Variants in PRKN observed in about 807,000 individuals in gnomAD.
PRKN encodes E3 ubiquitin-protein ligase parkin.
A neutral mutation model predicts 59.5 loss-of-function variants in PRKN; 56 were observed. The ratio of observed to expected loss-of-function variants is 0.94; its 90% CI spans 0.76 to 1.18. PRKN has a LOEUF of 1.18. Among genes scored for constraint, PRKN ranks in the 50% most tolerant of loss-of-function variants. The pLI, the probability that PRKN is intolerant of heterozygous loss-of-function variation, is 0.00. For synonymous variants in PRKN, 250 were observed against 222.1 expected (o/e 1.13, Z -1.12); for missense variants, 657 against 596.4 (o/e 1.10, Z -1.06).
rs183858343 is a variant in PRKN, at chr6:162,011,223, T to C, written c.619-37806A>G. Among the ~76,000 whole-genome samples, 33 of 4,470 alleles carry C rather than the reference T, an allele frequency of 7.4e-3. 5 individuals are homozygous for C. Among genetic ancestry groups the C allele is most frequent in the East Asian group, 0.032 (2 of 62 alleles). The allele number at this position is 4,470 out of a possible 152,430, so 2.9% of individuals were successfully genotyped here. The stretch of plus-strand genomic sequence containing the variant: ...TATATTATATATAATATAGTATATA[T>C]TTATAATATATAATTTATAATATAT... On this transcript the variant is annotated intron_variant, in intron 5 of 11. Transcript: ENST00000366898.
At chr6:162,587,874 A>G (rs1206583924) in intron 1 of PRKN, among the ~76,000 whole-genome samples, 1 of 152,178 alleles carries the variant, frequency 6.6e-6, no homozygotes, top group Non-Finnish European at 1.5e-5. Context: ...GGAGAGAAAA[A>G]TGTATCTATG....
chr6:161,973,803 G>T (rs1053334642), intron 5 of PRKN, among the ~76,000 whole-genome samples: 2 of 152,172 alleles, frequency 1.3e-5, no homozygotes, highest in African/African-American at 4.8e-5. Context: ...AGGTGCCCAC[G>T]GGTCAAACAG....
chr6:161,598,420 A>G (rs1309549990), intron 7 of PRKN, among the ~76,000 whole-genome samples: 1 of 152,226 alleles, frequency 6.6e-6, no homozygotes, highest in Non-Finnish European at 1.5e-5. Context: ...TGTAAATGAA[A>G]GAGAGAGATC....
At chr6:162,219,425 A>G (rs1777838656) in intron 3 of PRKN, among the ~76,000 whole-genome samples, 1 of 152,152 alleles carries the variant, frequency 6.6e-6, no homozygotes, top group African/African-American at 2.4e-5. Flanking sequence ...TTTCATTTCT[A>G]TATTAAACTG....
At position 161,462,910 on chromosome 6, in the gene PRKN, G is replaced by GTTTGGTAGAGCACTTAGTATTAACAA. The variant is rs1790287243; in HGVS notation, c.1084-76059_1084-76034dup. Among the ~76,000 whole-genome samples, 1 of 151,978 alleles carries GTTTGGTAGAGCACTTAGTATTAACAA rather than the reference G, an allele frequency of 6.6e-6. No individual in the cohort carries two copies. The highest frequency in any genetic ancestry group is 2.1e-4 in the South Asian group (1 of 4,816). On this transcript the variant is annotated intron_variant, in intron 9 of 11. Coordinates refer to ENST00000366898, the MANE Select transcript of PRKN (RefSeq NM_004562.3). The surrounding 1 kb of genome is among the most constrained non-coding windows in gnomAD (Gnocchi z 4.5). ...CAGGATTTCTTCACTCAGTTTTTTT[G>GTTTGGTAGAGCACTTAGTATTAACAA]TTTGGTAGAGCACTTAGTATTAACA...
At chr6:161,661,154 C>A (rs1177375789) in intron 7 of PRKN, among the ~76,000 whole-genome samples, 1 of 152,190 alleles carries the variant, frequency 6.6e-6, no homozygotes, top group Non-Finnish European at 1.5e-5. Flanking sequence ...AGCATGGTAG[C>A]CCCTAAAGTA....
rs770384356 is a variant in PRKN, at chr6:161,407,170, G to A, written c.1084-20293C>T. Among the ~76,000 whole-genome samples, 6 of 151,998 alleles carry A rather than the reference G, an allele frequency of 3.9e-5. No individual in the cohort carries two copies. Among genetic ancestry groups the A allele is most frequent in the Non-Finnish European group, 8.8e-5 (6 of 68,016 alleles). ...ATATGGTTTCACAATTTTTTACAGA[G>A]TCATAATCTACATGGAAAACAAAAA... On this transcript the variant is annotated intron_variant, in intron 9 of 11. Coordinates refer to ENST00000366898, the MANE Select transcript of PRKN (RefSeq NM_004562.3). This position sits in a 1 kb window ranked among gnomAD's most constrained non-coding sequence, Gnocchi z 4.9.
chr6:162,264,061 GCC>G (rs1780016992), intron 2 of PRKN, among the ~76,000 whole-genome samples: 1 of 152,040 alleles, frequency 6.6e-6, no homozygotes, highest in Non-Finnish European at 1.5e-5. Flanking sequence ...ATCACTTGAG[GCC>G]AGTAGTTTGT....
intron 2 of PRKN, among the ~76,000 whole-genome samples, chr6:162,403,152 G>C (rs954114823): frequency 6.6e-6 from 1 of 152,154 alleles, no homozygotes; most frequent in Non-Finnish European, 1.5e-5. Context: ...GCATGTCCAT[G>C]AACGTGAAAT....
At chr6:161,785,270 T>C (rs1158262277) in intron 7 of PRKN, among the ~76,000 whole-genome samples, 1 of 152,216 alleles carries the variant, frequency 6.6e-6, no homozygotes, top group African/African-American at 2.4e-5. Flanking sequence ...AAAATGTATA[T>C]ATGTAATAAC....
rs1283866527 is a variant in PRKN, at chr6:161,538,913, T to A, written c.1083+9941A>T. Among the ~76,000 whole-genome samples, 6 of 152,186 alleles carry A rather than the reference T, an allele frequency of 3.9e-5. No homozygotes were observed. The highest frequency in any genetic ancestry group is 1.2e-4 in the African/African-American group (5 of 41,440). ...TGGGCTCCCTTGAACTCTGCCTAAA[T>A]GTCATGAACAACAGGAATAACAGCA... On this transcript the variant is annotated intron_variant, in intron 9 of 11. Transcript: ENST00000366898. This position sits in a 1 kb window ranked among gnomAD's most constrained non-coding sequence, Gnocchi z 4.2.
chr6:162,212,343 C>T, intron 3 of PRKN, among the ~76,000 whole-genome samples: 1 of 150,996 alleles, frequency 6.6e-6, no homozygotes, highest in South Asian at 2.1e-4. Flanking sequence ...CCCACCCCCA[C>T]CTTCAACCAA....
At chr6:161,783,893 TA>T (rs1268323252) in intron 7 of PRKN, among the ~76,000 whole-genome samples, 3 of 152,234 alleles carry the variant, frequency 2.0e-5, no homozygotes, top group Non-Finnish European at 4.4e-5. Flanking sequence ...GTGAGTATCA[TA>T]ATTTACAAAG....
At chr6:162,164,140 T>C (rs888655120) in intron 4 of PRKN, among the ~76,000 whole-genome samples, 2 of 149,218 alleles carry the variant, frequency 1.3e-5, no homozygotes, top group African/African-American at 5.0e-5. Flanking sequence ...GAAGTAGAAA[T>C]GTAATGTTAT....
intron 2 of PRKN, among the ~76,000 whole-genome samples, chr6:162,394,224 G>C (rs1202491190): frequency 6.6e-6 from 1 of 152,152 alleles, no homozygotes; most frequent in Admixed American, 6.5e-5. Context: ...AGGTAGTTCA[G>C]AAGAGGAGGT....
rs1223382903 is a variant in PRKN at position 161,576,771 on chromosome 6, T to TG, written c.872-7356dup. Among the ~76,000 whole-genome samples the TG allele has an allele frequency of 6.6e-6, 1 of 152,216 alleles. No individual in the cohort carries two copies. The highest frequency in any genetic ancestry group is 2.4e-5 in the African/African-American group (1 of 41,450). On this transcript the variant is annotated intron_variant, in intron 7 of 11. Transcript: ENST00000366898. The surrounding 1 kb of genome is among the most constrained non-coding windows in gnomAD (Gnocchi z 4.6). ...CAGGGTTGGCTAACGTAAAAGTAAG[T>TG]GTTCATTTCTTATTGAGACCATGAC...
At chr6:161,507,278 G>A (rs187674594) in intron 9 of PRKN, among the ~76,000 whole-genome samples, 2 of 152,258 alleles carry the variant, frequency 1.3e-5, no homozygotes, top group East Asian at 1.9e-4. Flanking sequence ...CTAAGAAGAC[G>A]AGTGACTTTT....
chr6:161,683,190 G>C lies in PRKN; in HGVS notation c.871+102582C>G, dbSNP rs73597170. 3.3e-5 allele frequency among the ~76,000 whole-genome samples: 5 copies of C among 152,230 alleles called. No homozygotes were observed. The East Asian group carries it at 9.7e-4, about 30-fold the overall frequency. ...GAGGCAGAAGGGAAGGAAGAAGGAC[G>C]GCTTCCCTGGTGTTGACTCAGCAAT... On this transcript the variant is annotated intron_variant, in intron 7 of 11. Coordinates refer to ENST00000366898, the MANE Select transcript of PRKN (RefSeq NM_004562.3).
At chr6:161,874,165 ATATATAATATATAT>A (rs1233480870) in intron 6 of PRKN, among the ~76,000 whole-genome samples, 54 of 46,000 alleles carry the variant, frequency 1.2e-3, no homozygotes, top group African/African-American at 1.5e-3. Flanking sequence ...ATTATATATA[ATATATAATATATAT>A]TATATATAAT....
Sources: allele counts gnomAD v4.1 joint callset (sites outside exome capture counted in the v4.1 genomes callset), GRCh38; gene constraint gnomAD v4.1.1; non-coding constraint Gnocchi (gnomAD v3.1); transcripts MANE v1.5; gene names NCBI Gene and HGNC (gene_info 2026-07-23, HGNC 2026-07-21).